The following CTBP2 variants were observed in gnomAD, a reference collection of about 807,000 sequenced individuals.
CTBP2 encodes C-terminal binding protein 2, also known as C-terminal-binding protein 2.
Under a neutral mutation model 80.3 loss-of-function variants are expected in CTBP2, and 30 were observed. That is an observed-to-expected ratio of 0.37 (90% CI 0.28 to 0.51). The LOEUF (loss-of-function observed/expected upper bound fraction) is 0.51. CTBP2 is among the 20% of genes least tolerant of loss of function. CTBP2 has a pLI of 0.93. For synonymous variants in CTBP2, 594 were observed against 587.4 expected (o/e 1.01, Z -0.16); for missense variants, 1,212 against 1,375.3 (o/e 0.88, Z 1.88).
chr10:125,039,191 G>C, intron 2 of CTBP2, 36 bp from the exon 3 acceptor site: 1 of 713,292 alleles, frequency 1.4e-6, no homozygotes, highest in Non-Finnish European at 2.3e-6. Flanking sequence ...ACTCTCTGGA[G>C]ACCCTCTGGG....
chr10:125,048,616 T>C (rs1472589349), intron 2 of CTBP2, among the ~76,000 whole-genome samples: 1 of 152,172 alleles, frequency 6.6e-6, no homozygotes, highest in Admixed American at 6.5e-5. Flanking sequence ...GGAGGCTCCC[T>C]GCCCAGGGTG....
At chr10:125,098,010 A>G (rs1849811921) in intron 2 of CTBP2, among the ~76,000 whole-genome samples, 1 of 152,162 alleles carries the variant, frequency 6.6e-6, no homozygotes, top group African/African-American at 2.4e-5. Context: ...AGTCCCAGCT[A>G]CTAGGGAGGC....
At chr10:125,071,693 C>T (rs12261379) in intron 2 of CTBP2, among the ~76,000 whole-genome samples, 3,075 of 152,184 alleles carry the variant, frequency 0.02, 91 homozygotes, top group African/African-American at 0.068. Flanking sequence ...AAGAATAAAA[C>T]GCTTAGAAGA....
At chr10:125,020,321 C>T (rs1290452743) in intron 1 of CTBP2, among the ~76,000 whole-genome samples, 1 of 152,076 alleles carries the variant, frequency 6.6e-6, no homozygotes. Flanking sequence ...ATGGGGACAG[C>T]ACAGCCACAC....
intron 8 of CTBP2, among the ~76,000 whole-genome samples, chr10:124,990,278 C>T (rs961382856): frequency 4.6e-5 from 7 of 151,882 alleles, no homozygotes; most frequent in African/African-American, 1.5e-4. Context: ...CTCCCGACCT[C>T]GTGATCCGCC....
rs1444764158 is a variant in CTBP2 at position 124,984,945 on chromosome 10, A to G, written c.*4573T>C. 1.2e-6 allele frequency: 2 copies of G among 1,614,014 alleles called. No homozygotes were observed. Among genetic ancestry groups the G allele is most frequent in the Non-Finnish European group, 8.5e-7 (1 of 1,179,992 alleles). ...CCGCTACCGACAGATCCGGCCGTGT[A>G]CATCCCTGTCTGATGGAGAGGAAGA... On this transcript the variant is annotated 3_prime_UTR_variant, in exon 9 of 9. Coordinates refer to ENST00000309035, the MANE Select transcript of CTBP2 (RefSeq NM_022802.3).
At chr10:125,059,475 G>A (rs867772438) in intron 2 of CTBP2, among the ~76,000 whole-genome samples, 1 of 151,982 alleles carries the variant, frequency 6.6e-6, no homozygotes. Flanking sequence ...CCAGCTACTC[G>A]GGAGGCTGAA....
chr10:125,022,119 C>A (rs552214083), intron 1 of CTBP2, among the ~76,000 whole-genome samples: 126 of 152,388 alleles, frequency 8.3e-4, no homozygotes, highest in African/African-American at 2.7e-3. Flanking sequence ...CTGCCCCACG[C>A]CGGCCTGGGC....
intron 1 of CTBP2, chr10:125,005,831 C>G (rs1205092639): frequency 6.3e-7 from 1 of 1,597,308 alleles, no homozygotes; most frequent in African/African-American, 1.3e-5. Context: ...CGCCCACACA[C>G]AGTGAGGAAC....
chr10:125,058,326 G>A (rs1964348508), intron 2 of CTBP2, among the ~76,000 whole-genome samples: 1 of 152,126 alleles, frequency 6.6e-6, no homozygotes, highest in African/African-American at 2.4e-5. Flanking sequence ...ACAGTGCTGC[G>A]TCCTCACAAG....
rs4020629 is a variant in CTBP2 at position 125,066,074 on chromosome 10, C to CAA, written c.-101-26921_-101-26920dup. On this transcript the variant is annotated intron_variant, in intron 2 of 10. Transcript: ENST00000337195. This position sits in a 1 kb window ranked among gnomAD's most constrained non-coding sequence, Gnocchi z 4.1. ...CCTGATTGTGCCATGGCACTCTAGC[C>CAA]AAAAAAAAAAAGCCGTCATCTTCTT... is the stretch of plus-strand genomic sequence containing the variant. Among the ~76,000 whole-genome samples, 30,208 of 137,720 alleles carry CAA rather than the reference C, an allele frequency of 0.22. 3,629 individuals are homozygous for CAA. Among genetic ancestry groups the CAA allele is most frequent in the African/African-American group, 0.35 (13,331 of 37,654 alleles). 90.3% of individuals were successfully genotyped at this position (137,720 alleles called of 152,430 possible). A position where few individuals can be genotyped will look rare whatever the true frequency, so the allele number is the denominator to read the frequency against.
At position 125,026,897 on chromosome 10, in the gene CTBP2, G is replaced by C; in HGVS notation, c.863C>G (p.Thr288Ser). Residue 288 changes from threonine to serine, a missense_variant, in exon 1 of 9, where the codon ACC becomes AGC. Physicochemically the swap from Thr to Ser is moderately conservative, Grantham distance 58. Transcript: ENST00000309035. The stretch of plus-strand genomic sequence containing the variant: ...AAAGGCCAGGAACTCAGGGAGCACG[G>C]TCCTCTTGCCACCAGGACCCTGGAA... 6.2e-7 allele frequency: 1 copy of C among 1,614,020 alleles called. No homozygotes were observed. The highest frequency in any genetic ancestry group is 1.3e-5 in the African/African-American group (1 of 75,068).
intron 2 of CTBP2, among the ~76,000 whole-genome samples, chr10:125,068,181 A>G (rs1174677143): frequency 6.6e-6 from 1 of 152,188 alleles, no homozygotes; most frequent in African/African-American, 2.4e-5. Context: ...CAGCTGCACC[A>G]GAGTTCTGCC....
At chr10:125,031,450 T>C (rs1035156295), upstream of CTBP2, among the ~76,000 whole-genome samples, 5 of 132,084 alleles carry the variant, frequency 3.8e-5, no homozygotes, top group East Asian at 2.2e-4. Context: ...GACAGAACCA[T>C]TGCATTCCAG....
At chr10:125,116,675 C>T (rs1276735326) in intron 1 of CTBP2, among the ~76,000 whole-genome samples, 1 of 152,194 alleles carries the variant, frequency 6.6e-6, no homozygotes, top group Non-Finnish European at 1.5e-5. Flanking sequence ...CTCGGGGTAT[C>T]AGTCAGTATG....
At chr10:125,046,985 T>C (rs1961419805) in intron 2 of CTBP2, among the ~76,000 whole-genome samples, 1 of 152,268 alleles carries the variant, frequency 6.6e-6, no homozygotes, top group Non-Finnish European at 1.5e-5. Context: ...GTGATTTTCC[T>C]AATTGGTTGT....
intron 1 of CTBP2, among the ~76,000 whole-genome samples, chr10:125,146,720 T>A (rs1466090272): frequency 6.6e-6 from 1 of 152,156 alleles, no homozygotes; most frequent in Non-Finnish European, 1.5e-5. Flanking sequence ...TTCACGCACA[T>A]GACCTACTAT....
rs1180686434 is a variant in CTBP2 at position 125,042,339 on chromosome 10, C to T, written c.-101-3184G>A. On this transcript the variant is annotated intron_variant, in intron 2 of 10. Coordinates refer to the CTBP2 transcript ENST00000337195. ...TCTCCATGCTGAGCAAGCCAGCACC[C>T]CCGATCCACGCTGGCTCTGGGCTCC... Among the ~76,000 whole-genome samples the T allele has an allele frequency of 4.6e-5, 7 of 152,006 alleles. 1 individual carries two copies. The South Asian group carries it at 1.4e-3, about 31-fold the overall frequency.
upstream of CTBP2, among the ~76,000 whole-genome samples, chr10:125,031,488 CAAAAAAAAAAAA>C (rs11463934): frequency 1.8e-4 from 6 of 33,694 alleles, no homozygotes; most frequent in East Asian, 1.7e-3. Flanking sequence ...GACTCCATTT[CAAAAAAAAAAAA>C]AAAAAAAAAA....
Sources: gnomAD v4.1 joint callset for allele counts (sites outside exome capture counted in the v4.1 genomes callset) on GRCh38, gnomAD v4.1.1 for gene constraint, Gnocchi (gnomAD v3.1) non-coding constraint, MANE v1.5 for transcripts, NCBI Gene and HGNC (gene_info 2026-07-23, HGNC 2026-07-21) for gene names.